Variants in UNC13C observed in about 807,000 individuals in gnomAD.
UNC13C encodes the protein protein unc-13 homolog C.
UNC13C carries 174 observed loss-of-function variants against 245.4 expected under a neutral mutation model. The ratio of observed to expected loss-of-function variants is 0.71; its 90% CI spans 0.63 to 0.80. The LOEUF (loss-of-function observed/expected upper bound fraction) is 0.80. Ranked by LOEUF, UNC13C falls within the 30% of genes least tolerant of loss-of-function variation. The pLI is 0.00. For missense variants in UNC13C, 2,829 were observed against 2,602.9 expected (o/e 1.09, Z -1.89); for synonymous variants, 992 against 895.1 (o/e 1.11, Z -1.93).
intron 24 of UNC13C, among the ~76,000 whole-genome samples, chr15:54,515,381 ATTATG>A (rs1454232473): frequency 2.0e-5 from 3 of 152,224 alleles, no homozygotes; most frequent in African/African-American, 7.2e-5. Flanking sequence ...GTTAGGTTAC[ATTATG>A]TTAATAGCTT....
At chr15:54,254,055 A>G (rs566358044) in intron 8 of UNC13C, among the ~76,000 whole-genome samples, 2 of 152,350 alleles carry the variant, frequency 1.3e-5, no homozygotes, top group African/African-American at 4.8e-5. Flanking sequence ...CGTGCTTTCT[A>G]CTGACATTAT....
At chr15:54,610,943 T>G (rs1900059088) in intron 30 of UNC13C, among the ~76,000 whole-genome samples, 2 of 152,206 alleles carry the variant, frequency 1.3e-5, no homozygotes, top group African/African-American at 4.8e-5. Flanking sequence ...TTAAAAAAAT[T>G]TTAGACAACT....
intron 2 of UNC13C, among the ~76,000 whole-genome samples, chr15:54,095,119 C>T (rs1041627682): frequency 3.3e-4 from 50 of 152,138 alleles, no homozygotes; most frequent in African/African-American, 1.1e-3. Flanking sequence ...GCAGGCTCTC[C>T]CAACATGGAA....
chr15:54,603,666 A>C (rs756881791), intron 30 of UNC13C, among the ~76,000 whole-genome samples: 11 of 152,136 alleles, frequency 7.2e-5, no homozygotes, highest in Non-Finnish European at 1.3e-4. Context: ...GTTTGAGACT[A>C]TCCTGGGCAA....
At chr15:54,513,270 T>C (rs933659743) in intron 24 of UNC13C, among the ~76,000 whole-genome samples, 2 of 152,208 alleles carry the variant, frequency 1.3e-5, no homozygotes, top group Non-Finnish European at 2.9e-5. Context: ...TATTATCTCC[T>C]TCCTATAAAT....
intron 21 of UNC13C, 29 bp from the exon 22 acceptor site, chr15:54,500,806 T>C: frequency 3.1e-6 from 5 of 1,609,156 alleles, no homozygotes; most frequent in Non-Finnish European, 3.4e-6. Context: ...ATGTACTGTT[T>C]GGGATGGTTT....
intron 13 of UNC13C, among the ~76,000 whole-genome samples, chr15:54,305,214 T>G (rs2037695282): frequency 6.6e-6 from 1 of 152,126 alleles, no homozygotes; most frequent in South Asian, 2.1e-4. Flanking sequence ...CCTAGTGTGT[T>G]TCTAGATGCC....
intron 13 of UNC13C, chr15:54,320,660 C>T (rs561343390): frequency 9.4e-6 from 3 of 319,348 alleles, no homozygotes; most frequent in East Asian, 8.7e-5. Context: ...TGTGTTGTAA[C>T]CCATAGCTTC....
intron 4 of UNC13C, among the ~76,000 whole-genome samples, chr15:54,186,672 C>G (rs2033994704): frequency 6.6e-6 from 1 of 151,716 alleles, no homozygotes; most frequent in African/African-American, 2.4e-5. Context: ...AAGAATGGAT[C>G]AATACCCACT....
intron 26 of UNC13C, among the ~76,000 whole-genome samples, chr15:54,541,867 C>T (rs781288543): frequency 1.3e-5 from 2 of 151,982 alleles, no homozygotes; most frequent in African/African-American, 2.4e-5. Context: ...TTATATACAC[C>T]TTTGCCATGT....
At chr15:53,865,927 C>T in the UNC13C span, among the ~76,000 whole-genome samples, 1 of 151,906 alleles carries the variant, frequency 6.6e-6, no homozygotes, top group Non-Finnish European at 1.5e-5. Context: ...GAATAAAGTT[C>T]CCAGAGTAGA....
At chr15:54,004,470 T>C (rs1296027634) in intron 1 of UNC13C, among the ~76,000 whole-genome samples, 1 of 152,224 alleles carries the variant, frequency 6.6e-6, no homozygotes, top group East Asian at 1.9e-4. Context: ...TCAACAGGCA[T>C]GGGATTGCAG....
In UNC13C at chr15:54,184,584, A is replaced by G. The variant is rs1023775677; in HGVS notation, c.3071+40900A>G. On this transcript the variant is annotated intron_variant, in intron 4 of 32. Transcript: ENST00000260323. ...TTTCCAGCTTCATCCATGTCCCTAC[A>G]AAGGACATGAACTCATCATTTTTTA... 1.6e-4 allele frequency among the ~76,000 whole-genome samples: 24 copies of G among 152,256 alleles called. 4 individuals carry two copies. The highest frequency in any genetic ancestry group is 5.5e-4 in the African/African-American group (23 of 41,558).
At chr15:54,264,624 C>T (rs1250433708) in intron 9 of UNC13C, among the ~76,000 whole-genome samples, 1 of 144,446 alleles carries the variant, frequency 6.9e-6, no homozygotes, top group African/African-American at 2.5e-5. Flanking sequence ...GAAAAAGTTT[C>T]TGTTTTTCAA....
intron 4 of UNC13C, among the ~76,000 whole-genome samples, chr15:54,151,688 G>A (rs1407554369): frequency 6.6e-6 from 1 of 152,142 alleles, no homozygotes; most frequent in Non-Finnish European, 1.5e-5. Flanking sequence ...ATACGAGTGA[G>A]CCACAGCACC....
chr15:54,277,776 A>T (rs4633657), intron 10 of UNC13C, among the ~76,000 whole-genome samples: 1 of 152,210 alleles, frequency 6.6e-6, no homozygotes, highest in Non-Finnish European at 1.5e-5. Flanking sequence ...TTTCAATTGC[A>T]TGTTCAATCA....
At chr15:54,216,084 G>C (rs547305961) in intron 4 of UNC13C, among the ~76,000 whole-genome samples, 1 of 152,022 alleles carries the variant, frequency 6.6e-6, no homozygotes, top group East Asian at 1.9e-4. Context: ...ATGTGAGGAT[G>C]AGAGACAGTG....
the UNC13C span, among the ~76,000 whole-genome samples, chr15:53,864,975 G>A: frequency 1.3e-5 from 2 of 152,264 alleles, no homozygotes; most frequent in East Asian, 3.9e-4. Context: ...CGAATTCTTA[G>A]CCTTGGACCA....
In UNC13C at chr15:54,458,576, T is replaced by C. The variant is rs576130536; in HGVS notation, c.4934-36032T>C. Among the ~76,000 whole-genome samples the C allele has an allele frequency of 2.0e-5, 3 of 152,076 alleles. No individual in the cohort carries two copies. In the East Asian group the frequency reaches 5.8e-4, roughly 29 times the overall value. ...TCTTATAAATTTGGGATCTCCAGTG[T>C]TAGATGTGTATATATTTAGAATTGT... On this transcript the variant is annotated intron_variant, in intron 19 of 32. Transcript: ENST00000260323.
Sources: allele counts gnomAD v4.1 joint callset (sites outside exome capture counted in the v4.1 genomes callset), GRCh38; gene constraint gnomAD v4.1.1; transcripts MANE v1.5; gene names NCBI Gene and HGNC (gene_info 2026-07-23, HGNC 2026-07-21).